The following TMEM117 variants were observed in gnomAD, a reference collection of about 807,000 sequenced individuals.
The protein encoded by TMEM117 is transmembrane protein 117.
A neutral mutation model predicts 52.4 loss-of-function variants in TMEM117; 27 were observed. The observed-to-expected ratio is 0.51, with a 90% CI of 0.38 to 0.71. TMEM117 has a LOEUF of 0.71. TMEM117 is among the 30% of genes least tolerant of loss of function. The probability of loss-of-function intolerance (pLI) is 0.00; values close to 1 mark genes in which losing one functional copy is unlikely to be tolerated. For missense variants in TMEM117, 556 were observed against 630.5 expected (o/e 0.88, Z 1.26); for synonymous variants, 215 against 206.3 (o/e 1.04, Z -0.36).
At chr12:44,135,725 C>T (rs565287096) in intron 3 of TMEM117, among the ~76,000 whole-genome samples, 3 of 152,274 alleles carry the variant, frequency 2.0e-5, no homozygotes, top group East Asian at 3.9e-4. Flanking sequence ...GTAGGAAATA[C>T]AAGAACAGTC....
chr12:43,887,400 C>A (rs998635458), intron 2 of TMEM117, among the ~76,000 whole-genome samples: 5 of 152,132 alleles, frequency 3.3e-5, no homozygotes, highest in African/African-American at 1.2e-4. Context: ...CTGAGTAAAA[C>A]AAATTATTGT....
At chr12:44,336,400 T>G (rs2138738382) in intron 6 of TMEM117, among the ~76,000 whole-genome samples, 1 of 152,194 alleles carries the variant, frequency 6.6e-6, no homozygotes, top group Non-Finnish European at 1.5e-5. Flanking sequence ...ATTTCATACA[T>G]AGACACATAC....
chr12:43,810,576 A>C, the TMEM117 span, among the ~76,000 whole-genome samples: 1 of 152,002 alleles, frequency 6.6e-6, no homozygotes, highest in Non-Finnish European at 1.5e-5. Context: ...CTGAGCTTGC[A>C]TAGCAGGGTT....
At chr12:43,940,519 C>A (rs1565760506) in intron 2 of TMEM117, among the ~76,000 whole-genome samples, 1 of 152,092 alleles carries the variant, frequency 6.6e-6, no homozygotes, top group Non-Finnish European at 1.5e-5. Flanking sequence ...CTATTTTCCA[C>A]AACATATGTT....
At chr12:44,295,297 G>C (rs1950754108) in intron 5 of TMEM117, among the ~76,000 whole-genome samples, 1 of 152,082 alleles carries the variant, frequency 6.6e-6, no homozygotes, top group African/African-American at 2.4e-5. Flanking sequence ...TTTGCCTCCT[G>C]GGCTCAAGTG....
intron 3 of TMEM117, among the ~76,000 whole-genome samples, chr12:44,021,362 G>T (rs1946453370): frequency 6.6e-6 from 1 of 152,050 alleles, no homozygotes. Flanking sequence ...GAGAACGTGC[G>T]ATCTGGCTTT....
intron 4 of TMEM117, among the ~76,000 whole-genome samples, chr12:44,174,548 T>G (rs1949092463): frequency 6.6e-6 from 1 of 152,236 alleles, no homozygotes; most frequent in Non-Finnish European, 1.5e-5. Context: ...TTACTTATCT[T>G]GAGTTTTCTT....
chr12:43,805,922 G>C, the TMEM117 span: 11 of 1,510,854 alleles, frequency 7.3e-6, no homozygotes, highest in South Asian at 2.2e-5. Context: ...GGCGACTGTC[G>C]GGGACGGTGG....
At chr12:44,023,395 C>A (rs796832194) in intron 3 of TMEM117, among the ~76,000 whole-genome samples, 5 of 151,844 alleles carry the variant, frequency 3.3e-5, no homozygotes, top group African/African-American at 7.2e-5. Context: ...CTGAGGAATC[C>A]CCACACTGAC....
intron 5 of TMEM117, among the ~76,000 whole-genome samples, chr12:44,274,697 C>T (rs1396413464): frequency 2.0e-5 from 3 of 151,908 alleles, no homozygotes; most frequent in East Asian, 1.9e-4. Context: ...GGAACATACA[C>T]GTTGGAAAAG....
At position 44,054,878 on chromosome 12, in the gene TMEM117, C is replaced by A. The variant is rs184066956; in HGVS notation, c.411-88647C>A. Among the ~76,000 whole-genome samples the A allele has an allele frequency of 2.4e-3, 363 of 152,098 alleles. 3 individuals carry two copies. Among genetic ancestry groups the A allele is most frequent in the African/African-American group, 8.3e-3 (345 of 41,494 alleles). ...TTTACATTAGGTATGTCTCCTAATG[C>A]TATCCCTCCCCACCTTCCCCACCCC... On this transcript the variant is annotated intron_variant, in intron 3 of 7. Transcript: ENST00000266534.
At chr12:43,798,971 T>A in the TMEM117 span, among the ~76,000 whole-genome samples, 1 of 152,086 alleles carries the variant, frequency 6.6e-6, no homozygotes, top group Non-Finnish European at 1.5e-5. Flanking sequence ...TCCATATATA[T>A]CTCTATTCAA....
intron 3 of TMEM117, among the ~76,000 whole-genome samples, chr12:43,998,013 A>G (rs1027095390): frequency 1.3e-5 from 2 of 152,224 alleles, no homozygotes; most frequent in Admixed American, 1.3e-4. Context: ...AGGGAGAGGG[A>G]GATAAACAGA....
At chr12:43,823,080 A>G in the TMEM117 span, among the ~76,000 whole-genome samples, 1 of 152,324 alleles carries the variant, frequency 6.6e-6, no homozygotes, top group South Asian at 2.1e-4. Context: ...AATTTATGGC[A>G]AAGCATTTAT....
intron 3 of TMEM117, among the ~76,000 whole-genome samples, chr12:43,991,037 C>T (rs978181760): frequency 5.9e-5 from 9 of 152,150 alleles, no homozygotes; most frequent in African/African-American, 2.2e-4. Flanking sequence ...TGTCCTGTCA[C>T]ACAAAGCTAG....
intron 3 of TMEM117, among the ~76,000 whole-genome samples, chr12:43,999,319 T>C (rs1850578117): frequency 6.6e-6 from 1 of 152,190 alleles, no homozygotes; most frequent in Non-Finnish European, 1.5e-5. Context: ...TGCATATAAA[T>C]AGAAAAACTT....
downstream of TMEM117, among the ~76,000 whole-genome samples, chr12:44,392,555 G>A (rs1472282667): frequency 4.0e-5 from 6 of 151,810 alleles, no homozygotes; most frequent in African/African-American, 7.3e-5. Context: ...TAAGTTTTAG[G>A]GTACATGTGC....
At position 43,919,975 on chromosome 12, in the gene TMEM117, A is replaced by T. The variant is rs1944665129; in HGVS notation, c.278-24235A>T. On this transcript the variant is annotated intron_variant, in intron 2 of 7. Coordinates refer to ENST00000266534, the MANE Select transcript of TMEM117 (RefSeq NM_032256.3). ...GTCCAGCATCACTCATGATATTTTC[A>T]TCTCTCTTTAGGACCTCTTCATTCT... 2.0e-5 allele frequency among the ~76,000 whole-genome samples: 3 copies of T among 151,832 alleles called. No individual in the cohort carries two copies. In the South Asian group the frequency reaches 6.2e-4, roughly 32 times the overall value.
intron 3 of TMEM117, among the ~76,000 whole-genome samples, chr12:44,020,280 T>C (rs1418254004): frequency 1.3e-5 from 2 of 152,218 alleles, no homozygotes; most frequent in Non-Finnish European, 2.9e-5. Flanking sequence ...TTTTTTACTA[T>C]ATGGAGCCCT....
Sources: allele counts gnomAD v4.1 joint callset (sites outside exome capture counted in the v4.1 genomes callset), GRCh38; gene constraint gnomAD v4.1.1; transcripts MANE v1.5; gene names NCBI Gene and HGNC (gene_info 2026-07-23, HGNC 2026-07-21).